The following COL7A1 variants were observed in gnomAD, a reference collection of about 807,000 sequenced individuals.
COL7A1 encodes collagen alpha-1(VII) chain.
COL7A1 carries 296 observed loss-of-function variants against 456.2 expected under a neutral mutation model. The ratio of observed to expected loss-of-function variants is 0.65; its 90% CI spans 0.59 to 0.71. The LOEUF is 0.71. Ranked by LOEUF, COL7A1 falls within the 30% of genes least tolerant of loss-of-function variation. COL7A1 has a pLI of 0.00. For missense variants in COL7A1, 3,441 were observed against 4,017.2 expected, an observed-to-expected ratio of 0.86 and a Z score of 3.88; for synonymous variants, 1,464 against 1,525.9, an observed-to-expected ratio of 0.96 and a Z score of 0.95.
Position 48,571,289 on chromosome 3 carries a change from CCAGCAAA to C in COL7A1, c.7069-18_7069-12del. ...AGCCCCTTTCTGACCCTAAGAAAAC[CCAGCAAA>C]CAGCATTTGAGAGGGTAGGAACATG... On this transcript the variant is annotated splice_polypyrimidine_tract_variant and intron_variant, in intron 92 of 118. Coordinates refer to ENST00000681320, the MANE Select transcript of COL7A1 (RefSeq NM_000094.4). This position sits in a 1 kb window ranked among gnomAD's most constrained non-coding sequence, Gnocchi z 4.6. 5 of 1,614,148 alleles carry C rather than the reference CCAGCAAA, an allele frequency of 3.1e-6. No individual in the cohort carries two copies. Among genetic ancestry groups the C allele is most frequent in the Non-Finnish European group, 4.2e-6 (5 of 1,180,030 alleles).
rs529386656 is a variant in COL7A1 at position 48,588,026 on chromosome 3, T to C, written c.2711-87A>G. 376 of 1,472,594 alleles carry C rather than the reference T, an allele frequency of 2.6e-4. 1 individual carries two copies. The South Asian group carries it at 3.4e-3, about 13-fold the overall frequency. 91.2% of individuals were successfully genotyped at this position (1,472,594 alleles called of 1,614,324 possible). A position where few individuals can be genotyped will look rare whatever the true frequency, so the allele number is the denominator to read the frequency against. On this transcript the variant is annotated intron_variant, in intron 21 of 118. Transcript: ENST00000681320. This position sits in a 1 kb window ranked among gnomAD's most constrained non-coding sequence, Gnocchi z 4.6. ...AAGGGCCTGCCCACTTCACTGGCTC[T>C]GTTAACTGGGTTCACCCTCCTGACT...
At position 48,572,532 on chromosome 3, in the gene COL7A1, C is replaced by A. The variant is rs781385246; in HGVS notation, c.6907G>T (p.Val2303Phe). The A allele has an allele frequency of 6.2e-7, 1 of 1,613,742 alleles. No individual in the cohort carries two copies. The highest frequency in any genetic ancestry group is 8.5e-7 in the Non-Finnish European group (1 of 1,179,782). The change falls in exon 89 of 119, where the codon GTC becomes TTC. Residue 2303 changes from valine (V) to phenylalanine (F), a missense_variant. Transcript: ENST00000681320. The surrounding 1 kb of genome is among the most constrained non-coding windows in gnomAD (Gnocchi z 4.6). ...GPTGAPGQAV[V>F]GLPGAKGEKG... The stretch of plus-strand genomic sequence containing the variant: ...TCTCCCTTTGCTCCAGGGAGCCCGA[C>A]CACAGCCTGTGGGGAATGCTAGTGA...
Position 48,585,083 on chromosome 3 carries a change from G to A in COL7A1, c.3928C>T (p.Pro1310Ser). ...FPGADGRPGS[P>S]GRAGNPGTPG... ...GTCCCAGGATTCCCGGCGCGGCCAG[G>A]GCTGCCTGGACGCCCATCTGCTCCA... Residue 1310 changes from proline (P) to serine (S), a missense_variant, in exon 33 of 119, where the codon CCT becomes TCT. Pro to Ser is a moderately conservative substitution (Grantham distance 74). Transcript: ENST00000681320. The surrounding 1 kb of genome is among the most constrained non-coding windows in gnomAD (Gnocchi z 4.5). 1 of 1,612,186 alleles carries A rather than the reference G, an allele frequency of 6.2e-7. No individual in the cohort carries two copies. Among genetic ancestry groups the A allele is most frequent in the Non-Finnish European group, 8.5e-7 (1 of 1,179,844 alleles).
chr3:48,594,580 C>T lies in COL7A1; in HGVS notation c.86-32G>A. ...CGGGCAGGAGAGATCAGGGCCTCTTCTGGGAGGCCAACCACCCGCCTACCC... is the reference window on the plus strand; with the variant it reads ...CGGGCAGGAGAGATCAGGGCCTCTTTTGGGAGGCCAACCACCCGCCTACCC... On this transcript the variant is annotated intron_variant, in intron 2 of 118. Transcript: ENST00000681320. This position sits in a 1 kb window ranked among gnomAD's most constrained non-coding sequence, Gnocchi z 5.5. The T allele has an allele frequency of 1.3e-6, 2 of 1,550,632 alleles. No homozygotes were observed. Among genetic ancestry groups the T allele is most frequent in the Non-Finnish European group, 1.7e-6 (2 of 1,151,002 alleles).
rs755130031 is a variant in COL7A1 at position 48,580,259 on chromosome 3, C to T, written c.5097+41G>A. The T allele has an allele frequency of 2.5e-6, 4 of 1,603,084 alleles. No homozygotes were observed. The East Asian group carries it at 6.7e-5, about 27-fold the overall frequency. Reference sequence around the variant, plus strand: ...GCACACTGGCAGCAGCGCCAGGGGACCCTCCATCCCTTCTGAGCCCAGGAC... The same window carrying T: ...GCACACTGGCAGCAGCGCCAGGGGATCCTCCATCCCTTCTGAGCCCAGGAC... On this transcript the variant is annotated intron_variant, in intron 56 of 118. Coordinates refer to ENST00000681320, the MANE Select transcript of COL7A1 (RefSeq NM_000094.4). This position sits in a 1 kb window ranked among gnomAD's most constrained non-coding sequence, Gnocchi z 4.5.
rs1315644130 is a variant in COL7A1, at chr3:48,572,710, T to A, written c.6861A>T (p.Gly2287=). 6.8e-6 allele frequency: 11 copies of A among 1,608,486 alleles called. No individual in the cohort carries two copies. Among genetic ancestry groups the A allele is most frequent in the Non-Finnish European group, 9.3e-6 (11 of 1,177,594 alleles). ...CCGTGGGGCCAGGTTCTCCTTTAGG[T>A]CCGACAGGGCCAGGCAGACCTGGTG... ...PGSPGLPGPV[G]PKGEPGPTGA... Residue 2287 remains glycine, a synonymous_variant, in exon 88 of 119, where the codon GGA becomes GGT. Coordinates refer to ENST00000681320, the MANE Select transcript of COL7A1 (RefSeq NM_000094.4). This position sits in a 1 kb window ranked among gnomAD's most constrained non-coding sequence, Gnocchi z 4.6.
chr3:48,564,449 G>A lies in COL7A1; in HGVS notation c.8819-27C>T, dbSNP rs369828296. 2.9e-5 allele frequency: 46 copies of A among 1,613,560 alleles called. No individual in the cohort carries two copies. In the Middle Eastern group the frequency reaches 4.9e-4, roughly 17 times the overall value. On this transcript the variant is annotated intron_variant, in intron 118 of 118. Transcript: ENST00000681320. This position sits in a 1 kb window ranked among gnomAD's most constrained non-coding sequence, Gnocchi z 6.0. Reference sequence around the variant, plus strand: ...TGGTGAGGACAGGTTGGAAACGGTCGTCAGCCATCTGACCTTCCCCGGAGA... The same window carrying A: ...TGGTGAGGACAGGTTGGAAACGGTCATCAGCCATCTGACCTTCCCCGGAGA...
At position 48,583,047 on chromosome 3, in the gene COL7A1, C is replaced by A. The variant is rs1381334911; in HGVS notation, c.4484G>T (p.Gly1495Val). ...CGCTGGGCCTGGGGGTCCACGTTCGCCCTGATGGAAAAGAAGAGGTCAGAG... is the reference window on the plus strand; with the variant it reads ...CGCTGGGCCTGGGGGTCCACGTTCGACCTGATGGAAAAGAAGAGGTCAGAG... The part of the protein sequence containing the change: ...PGPLGEAGEK[G>V]ERGPPGPAGS... Residue 1495 changes from glycine to valine, a missense_variant and splice_region_variant, in exon 44 of 119, where the codon GGC (glycine) becomes GTC (valine). Physicochemically the swap from Gly to Val is moderately radical, Grantham distance 109 (BLOSUM62 -3). Transcript: ENST00000681320. The surrounding 1 kb of genome is among the most constrained non-coding windows in gnomAD (Gnocchi z 5.1). The A allele has an allele frequency of 1.9e-6, 3 of 1,613,992 alleles. No homozygotes were observed. The highest frequency in any genetic ancestry group is 3.3e-5 in the Admixed American group (2 of 60,002).
At position 48,567,600 on chromosome 3, in the gene COL7A1, C is replaced by G. The variant is rs2107635006; in HGVS notation, c.8020G>C (p.Gly2674Arg). The G allele has an allele frequency of 2.5e-6, 4 of 1,614,186 alleles. No individual in the cohort carries two copies. The highest frequency in any genetic ancestry group is 1.7e-6 in the Non-Finnish European group (2 of 1,180,034). ...TTGGGACCGATCAGGCCCTCCTTGC[C>G]AGGGGCCCCCGACTGGCCCGGCACA... The part of the protein sequence containing the change: ...PGVPGQSGAP[G>R]KEGLIGPKGD... The change falls in exon 109 of 119, where the codon GGC becomes CGC. Residue 2674 changes from glycine (G) to arginine (R), a missense_variant. By Grantham distance (125) the Gly-to-Arg change is moderately radical. Coordinates refer to ENST00000681320, the MANE Select transcript of COL7A1 (RefSeq NM_000094.4). The surrounding 1 kb of genome is among the most constrained non-coding windows in gnomAD (Gnocchi z 4.3).
In COL7A1 at chr3:48,568,216, G is replaced by A. The variant is rs1386188237; in HGVS notation, c.7795-46C>T. The stretch of plus-strand genomic sequence containing the variant: ...GTGAGGTCAGAGGAGGTCAGTGAGG[G>A]ACCAAAGAGAATCGCCCTGGATAGT... On this transcript the variant is annotated intron_variant, in intron 105 of 118. Coordinates refer to ENST00000681320, the MANE Select transcript of COL7A1 (RefSeq NM_000094.4). This position sits in a 1 kb window ranked among gnomAD's most constrained non-coding sequence, Gnocchi z 5.2. 1 of 1,596,366 alleles carries A rather than the reference G, an allele frequency of 6.3e-7. No homozygotes were observed. The highest frequency in any genetic ancestry group is 8.5e-7 in the Non-Finnish European group (1 of 1,169,636).
chr3:48,587,611 G>A lies in COL7A1; in HGVS notation c.2858-57C>T. On this transcript the variant is annotated intron_variant, in intron 22 of 118. Coordinates refer to ENST00000681320, the MANE Select transcript of COL7A1 (RefSeq NM_000094.4). This position sits in a 1 kb window ranked among gnomAD's most constrained non-coding sequence, Gnocchi z 6.1. ...GGCTGAGTCCTGAGAACCCAGAAGG[G>A]AGAGATCTGAGATCCTGGGTCCGGT... 6.2e-7 allele frequency: 1 copy of A among 1,611,534 alleles called. No homozygotes were observed. The highest frequency in any genetic ancestry group is 8.5e-7 in the Non-Finnish European group (1 of 1,178,640).
At position 48,577,047 on chromosome 3, in the gene COL7A1, A is replaced by G; in HGVS notation, c.5533-20T>C. On this transcript the variant is annotated intron_variant, in intron 65 of 118. Coordinates refer to ENST00000681320, the MANE Select transcript of COL7A1 (RefSeq NM_000094.4). ...TTCTCCCTGTGGGCAGAGGACTCAC[A>G]TCAGCCCAAACATTCACTGGTGTCT... 1 of 1,613,822 alleles carries G rather than the reference A, an allele frequency of 6.2e-7. No individual in the cohort carries two copies. Among genetic ancestry groups the G allele is most frequent in the Non-Finnish European group, 8.5e-7 (1 of 1,180,010 alleles).
At chr3:48,595,241 C>A (rs1313307265) in intron 1 of COL7A1, 27 bp downstream of exon 1, 3 of 1,174,862 alleles carry the variant, frequency 2.6e-6, no homozygotes, top group Non-Finnish European at 3.7e-6. Flanking sequence ...GAGCCCAGCG[C>A]CCCTCCAGCC....
Position 48,572,334 on chromosome 3 carries a change from G to C in COL7A1, c.6978+46C>G. 6.2e-7 allele frequency: 1 copy of C among 1,614,002 alleles called. No individual in the cohort carries two copies. The highest frequency in any genetic ancestry group is 8.5e-7 in the Non-Finnish European group (1 of 1,179,952). On this transcript the variant is annotated intron_variant, in intron 90 of 118. Transcript: ENST00000681320. This position sits in a 1 kb window ranked among gnomAD's most constrained non-coding sequence, Gnocchi z 4.6. ...GAAGGTCAGAAGTTAGGCCACTGGAGAGACAGGACCCCCAGAACATCTGCT... is the reference window on the plus strand; with the variant it reads ...GAAGGTCAGAAGTTAGGCCACTGGACAGACAGGACCCCCAGAACATCTGCT...
rs1216475621 is a variant in COL7A1 at position 48,584,904 on chromosome 3, C to A, written c.4011+6G>T. The A allele has an allele frequency of 2.5e-6, 4 of 1,614,028 alleles. No individual in the cohort carries two copies. Among genetic ancestry groups the A allele is most frequent in the East Asian group, 4.5e-5 (2 of 44,884 alleles). ...CTTAGAGAGCAAAGAAGGGAAGGCA[C>A]CTTACCGGGTCCCCACGAGGGCCAG... On this transcript the variant is annotated splice_donor_region_variant and intron_variant, in intron 34 of 118. Coordinates refer to ENST00000681320, the MANE Select transcript of COL7A1 (RefSeq NM_000094.4).
chr3:48,579,862 G>A lies in COL7A1; in HGVS notation c.5125-48C>T. 1 of 1,613,920 alleles carries A rather than the reference G, an allele frequency of 6.2e-7. No individual in the cohort carries two copies. The highest frequency in any genetic ancestry group is 8.5e-7 in the Non-Finnish European group (1 of 1,179,924). Reference sequence around the variant, plus strand: ...GAAGAATGGCTCAACAAGGGGAAGAGGAGTTGGCGAGGGGATACAGGGTCT... The same window carrying A: ...GAAGAATGGCTCAACAAGGGGAAGAAGAGTTGGCGAGGGGATACAGGGTCT... On this transcript the variant is annotated intron_variant, in intron 57 of 118. Coordinates refer to ENST00000681320, the MANE Select transcript of COL7A1 (RefSeq NM_000094.4). The surrounding 1 kb of genome is among the most constrained non-coding windows in gnomAD (Gnocchi z 4.4).
At chr3:48,582,924 A>T in intron 44 of COL7A1, 89 bp downstream of exon 44, 1 of 1,575,236 alleles carries the variant, frequency 6.3e-7, no homozygotes, top group Non-Finnish European at 8.7e-7. Flanking sequence ...GGTGAGGAGC[A>T]GGGGTAGCAG....
rs2043931741 is a variant in COL7A1 at position 48,571,701 on chromosome 3, T to C, written c.7068+300A>G. ...TGTAAACACAGGACCAAGGAGAGGT[T>C]CACAAGAACTCAGGTGTGTCCTGGG... is the stretch of plus-strand genomic sequence containing the variant. On this transcript the variant is annotated intron_variant, in intron 92 of 118. Transcript: ENST00000681320. This position sits in a 1 kb window ranked among gnomAD's most constrained non-coding sequence, Gnocchi z 4.6. 1.6e-6 allele frequency: 1 copy of C among 641,484 alleles called. No homozygotes were observed. The highest frequency in any genetic ancestry group is 2.9e-6 in the Non-Finnish European group (1 of 343,632). 39.7% of individuals were successfully genotyped at this position (641,484 alleles called of 1,614,324 possible).
chr3:48,566,989 C>T lies in COL7A1; in HGVS notation c.8144G>A (p.Ser2715Asn). ...TPGIGGFPGP[S>N]GNDGSAGPPG... ...GGGACCAGCAGAGCCATCATTTCCA[C>T]TGGGGCCTGGGAAGCCCCCAATTCC... Residue 2715 changes from serine to asparagine, a missense_variant, in exon 111 of 119, where the codon AGT becomes AAT. Ser to Asn is a conservative substitution (Grantham distance 46, BLOSUM62 1). This residue lies in a region of COL7A1 where 2,084 missense variants were observed against 2,501.3 expected (regional missense o/e 0.83). Transcript: ENST00000681320. This position sits in a 1 kb window ranked among gnomAD's most constrained non-coding sequence, Gnocchi z 5.9. 1.2e-6 allele frequency: 2 copies of T among 1,612,454 alleles called. No individual in the cohort carries two copies. The highest frequency in any genetic ancestry group is 1.7e-6 in the Non-Finnish European group (2 of 1,178,766).
Sources: allele counts gnomAD v4.1 joint callset, GRCh38; gene constraint gnomAD v4.1.1; regional missense constraint gnomAD v4.1.1; non-coding constraint Gnocchi (gnomAD v3.1); transcripts MANE v1.5; gene names NCBI Gene and HGNC (gene_info 2026-07-23, HGNC 2026-07-21).